The following CDK17 variants were observed in gnomAD, a reference collection of about 807,000 sequenced individuals.
The protein encoded by CDK17 is cyclin dependent kinase 17, also known as cyclin-dependent kinase 17.
CDK17 carries 24 observed loss-of-function variants against 77.6 expected under a neutral mutation model. The observed-to-expected ratio is 0.31, with a 90% confidence interval of 0.22 to 0.44. The LOEUF (loss-of-function observed/expected upper bound fraction) is 0.44. CDK17 is among the 20% of genes least tolerant of loss of function. CDK17 has a pLI of 1.00. For synonymous variants in CDK17, 203 were observed against 210.4 expected, an observed-to-expected ratio of 0.96 and a Z score of 0.30; for missense variants, 429 against 622.5, an observed-to-expected ratio of 0.69 and a Z score of 3.31.
intron 9 of CDK17, among the ~76,000 whole-genome samples, chr12:96,296,603 T>C (rs955750544): frequency 2.0e-5 from 3 of 152,220 alleles, no homozygotes; most frequent in African/African-American, 7.2e-5. Flanking sequence ...TAAGTTTGGA[T>C]AAATAAATCT....
Position 96,283,596 on chromosome 12 carries a change from G to T in CDK17, c.1365+7C>A. 1.3e-6 allele frequency: 2 copies of T among 1,571,126 alleles called. No individual in the cohort carries two copies. The highest frequency in any genetic ancestry group is 1.1e-5 in the South Asian group (1 of 89,380). ...CTATTTAACAATTACTGTAAGAACT[G>T]ACTTACCTGAAGAAATTTTGTTATC... On this transcript the variant is annotated splice_region_variant and intron_variant, in intron 14 of 16. Transcript: ENST00000261211.
At chr12:96,395,033 G>A (rs543173604) in intron 1 of CDK17, among the ~76,000 whole-genome samples, 37 of 151,972 alleles carry the variant, frequency 2.4e-4, no homozygotes, top group African/African-American at 7.7e-4. Context: ...GCACCACCGT[G>A]CCCAGCTAAT....
intron 2 of CDK17, among the ~76,000 whole-genome samples, chr12:96,332,062 G>A (rs2137138838): frequency 6.6e-6 from 1 of 152,294 alleles, no homozygotes; most frequent in South Asian, 2.1e-4. Context: ...GTAGCACAAT[G>A]CATTTCCTTT....
In CDK17 at chr12:96,391,852, C is replaced by G. The variant is rs78043019; in HGVS notation, c.-30+8134G>C. Among the ~76,000 whole-genome samples, 1,075 of 152,266 alleles carry G rather than the reference C, an allele frequency of 7.1e-3. 13 individuals carry two copies. The highest frequency in any genetic ancestry group is 0.024 in the African/African-American group (992 of 41,550). On this transcript the variant is annotated intron_variant, in intron 1 of 16. Coordinates refer to ENST00000261211, the MANE Select transcript of CDK17 (RefSeq NM_002595.5). ...GGCCTACAAACTGCTCTAGATTGCTCTCACACAAATACCACCAAAACTGTA... is the reference window on the plus strand; with the variant it reads ...GGCCTACAAACTGCTCTAGATTGCTGTCACACAAATACCACCAAAACTGTA...
At chr12:96,351,883 G>A (rs190317706) in intron 1 of CDK17, among the ~76,000 whole-genome samples, 129 of 152,236 alleles carry the variant, frequency 8.5e-4, no homozygotes, top group African/African-American at 2.8e-3. Context: ...TGATATAGAC[G>A]CTCACAAAAG....
chr12:96,326,519 T>C (rs1423434328), intron 2 of CDK17, among the ~76,000 whole-genome samples: 4 of 152,128 alleles, frequency 2.6e-5, no homozygotes, highest in African/African-American at 7.2e-5. Flanking sequence ...ATATTCCAGA[T>C]AGAGAAAAAA....
At chr12:96,306,234 T>C (rs1358583512) in intron 5 of CDK17, among the ~76,000 whole-genome samples, 1 of 152,184 alleles carries the variant, frequency 6.6e-6, no homozygotes, top group African/African-American at 2.4e-5. Context: ...GCAAAGGTTT[T>C]ATGTTATTTT....
At chr12:96,322,669 G>T (rs1163669151) in intron 3 of CDK17, among the ~76,000 whole-genome samples, 1 of 151,802 alleles carries the variant, frequency 6.6e-6, no homozygotes, top group Non-Finnish European at 1.5e-5. Context: ...TAGTGTTTTT[G>T]ACTATAACTA....
At chr12:96,361,414 T>C (rs751266132) in intron 1 of CDK17, among the ~76,000 whole-genome samples, 1 of 152,196 alleles carries the variant, frequency 6.6e-6, no homozygotes, top group Non-Finnish European at 1.5e-5. Flanking sequence ...AGGAAACTAG[T>C]TACAAAAGAG....
chr12:96,349,217 G>GC (rs1342078381), intron 1 of CDK17, among the ~76,000 whole-genome samples: 4 of 152,164 alleles, frequency 2.6e-5, no homozygotes, highest in Admixed American at 2.6e-4. Context: ...ACTTTGGGAG[G>GC]CTAAGGCAGG....
chr12:96,329,240 T>C (rs897667319), intron 2 of CDK17, among the ~76,000 whole-genome samples: 2 of 152,116 alleles, frequency 1.3e-5, no homozygotes, highest in Admixed American at 6.6e-5. Flanking sequence ...GCAATGTAAA[T>C]AGACACGTAT....
chr12:96,317,576 C>T (rs1952749715), intron 3 of CDK17, among the ~76,000 whole-genome samples: 1 of 123,320 alleles, frequency 8.1e-6, no homozygotes, highest in Non-Finnish European at 1.7e-5. Flanking sequence ...CAAAGGGAAG[C>T]CCATCAGACT....
chr12:96,340,904 T>A (rs537826333), intron 1 of CDK17, among the ~76,000 whole-genome samples: 1 of 152,186 alleles, frequency 6.6e-6, no homozygotes, highest in African/African-American at 2.4e-5. Flanking sequence ...GTAAACTGCA[T>A]ATATGGGGGT....
At chr12:96,318,006 G>A (rs1462672535) in intron 3 of CDK17, among the ~76,000 whole-genome samples, 7 of 152,104 alleles carry the variant, frequency 4.6e-5, no homozygotes, top group Non-Finnish European at 8.8e-5. Context: ...AGACTGGCAA[G>A]TTGGATAAAG....
chr12:96,393,107 G>A (rs1438385878), intron 1 of CDK17, among the ~76,000 whole-genome samples: 1 of 152,084 alleles, frequency 6.6e-6, no homozygotes, highest in African/African-American at 2.4e-5. Flanking sequence ...GCTCACACCT[G>A]TAATCCCAGC....
rs1204125076 is a variant in CDK17, at chr12:96,278,283, A to T, written c.*1959T>A. 6.6e-6 allele frequency: 1 copy of T among 152,190 alleles called. No homozygotes were observed. Among genetic ancestry groups the T allele is most frequent in the Non-Finnish European group, 1.5e-5 (1 of 68,000 alleles). 9.4% of individuals were successfully genotyped at this position (152,190 alleles called of 1,614,324 possible). On this transcript the variant is annotated 3_prime_UTR_variant, in exon 17 of 17. Coordinates refer to ENST00000261211, the MANE Select transcript of CDK17 (RefSeq NM_002595.5). ...ATATATATTTTCATCTTTTATACGC[A>T]AGAATTAAGCCTATGAAAAGCTATA...
At position 96,280,883 on chromosome 12, in the gene CDK17, C is replaced by A. The variant is rs1952170284; in HGVS notation, c.1459G>T (p.Val487Leu). 10 of 1,611,844 alleles carry A rather than the reference C, an allele frequency of 6.2e-6. No individual in the cohort carries two copies. Among genetic ancestry groups the A allele is most frequent in the Non-Finnish European group, 8.5e-6 (10 of 1,179,040 alleles). ...GPRIHALPESVSIFSLKEIQL... is the reference protein window; with the variant it reads ...GPRIHALPESLSIFSLKEIQL... ...ATCTCTTTCAAACTGAATATTGATA[C>A]ACCTAAAATGCATAGACAAAAATTA... Residue 487 changes from valine (V) to leucine (L), a missense_variant and splice_region_variant, in exon 16 of 17, where the codon GTA becomes TTA. Physicochemically the swap from Val to Leu is conservative, Grantham distance 32. This residue lies in a region of CDK17 where 115 missense variants were observed against 124.2 expected (regional missense o/e 0.93). Coordinates refer to ENST00000261211, the MANE Select transcript of CDK17 (RefSeq NM_002595.5).
At position 96,366,110 on chromosome 12, in the gene CDK17, C is replaced by T. The variant is rs571496496; in HGVS notation, c.-29-31245G>A. Reference sequence around the variant, plus strand: ...ACTTCTGAGAAGAGATTTCAGACACCGGGAAGGCCAAAAAGCCTCTAGCAA... The same window carrying T: ...ACTTCTGAGAAGAGATTTCAGACACTGGGAAGGCCAAAAAGCCTCTAGCAA... On this transcript the variant is annotated intron_variant, in intron 1 of 16. Coordinates refer to ENST00000261211, the MANE Select transcript of CDK17 (RefSeq NM_002595.5). Among the ~76,000 whole-genome samples, 12 of 152,240 alleles carry T rather than the reference C, an allele frequency of 7.9e-5. No individual in the cohort carries two copies. In the South Asian group the frequency reaches 1.9e-3, roughly 24 times the overall value.
chr12:96,297,311 T>C lies in CDK17; in HGVS notation c.832A>G (p.Met278Val), dbSNP rs1592710952. The stretch of plus-strand genomic sequence containing the variant: ...CTCATGATGTTTCCACAGTCATCCA[T>C]GTACTGTTTCAGGTCTTTATCCTGG... Reference protein sequence around the residue: ...EYLDKDLKQYMDDCGNIMSMH... With the variant: ...EYLDKDLKQYVDDCGNIMSMH... The change falls in exon 9 of 17, where the codon ATG becomes GTG. Residue 278 changes from methionine (M) to valine (V), a missense_variant. By Grantham distance (21) the Met-to-Val change is conservative (BLOSUM62 1). Transcript: ENST00000261211. 1.2e-6 allele frequency: 2 copies of C among 1,610,388 alleles called. No homozygotes were observed. Among genetic ancestry groups the C allele is most frequent in the Admixed American group, 1.7e-5 (1 of 59,912 alleles).
Sources: gnomAD v4.1 joint callset for allele counts (sites outside exome capture counted in the v4.1 genomes callset) on GRCh38, gnomAD v4.1.1 for gene constraint, gnomAD v4.1.1 regional missense constraint, MANE v1.5 for transcripts, NCBI Gene and HGNC (gene_info 2026-07-23, HGNC 2026-07-21) for gene names.